Variants in C7orf78 observed in about 807,000 individuals in gnomAD.
C7orf78 encodes the protein putative uncharacterized protein C7orf78.
At chr7:12,540,215 C>A in the C7orf78 span, among the ~76,000 whole-genome samples, 1 of 152,168 alleles carries the variant, frequency 6.6e-6, no homozygotes, top group African/African-American at 2.4e-5. Context: ...GGAAACACAT[C>A]CCATTTCCAC....
At chr7:12,529,966 GAAATTCCTAGA>G in the C7orf78 span, among the ~76,000 whole-genome samples, 466 of 152,152 alleles carry the variant, frequency 3.1e-3, 2 homozygotes, top group African/African-American at 0.01. Flanking sequence ...GGGTTATCCA[GAAATTCCTAGA>G]AAAGAAGTGG....
At chr7:12,506,971 T>C in the C7orf78 span, 4 of 472,622 alleles carry the variant, frequency 8.5e-6, no homozygotes, top group African/African-American at 8.0e-5. Flanking sequence ...AAAGACAACA[T>C]GAGGAAGCAA....
At chr7:12,526,240 GT>G in the C7orf78 span, among the ~76,000 whole-genome samples, 1 of 152,004 alleles carries the variant, frequency 6.6e-6, no homozygotes, top group African/African-American at 2.4e-5. Context: ...CTATCTATTG[GT>G]TTCCTTATCT....
chr7:12,513,112 C>T, the C7orf78 span, among the ~76,000 whole-genome samples: 1 of 151,552 alleles, frequency 6.6e-6, no homozygotes. Context: ...TTTTCAAAAA[C>T]TCAGCCTTGT....
the C7orf78 span, among the ~76,000 whole-genome samples, chr7:12,526,582 G>A: frequency 6.6e-6 from 1 of 151,972 alleles, no homozygotes; most frequent in Non-Finnish European, 1.5e-5. Flanking sequence ...TCAAAATAAC[G>A]AGCAAATAAT....
chr7:12,517,353 C>G, the C7orf78 span, among the ~76,000 whole-genome samples: 1 of 152,136 alleles, frequency 6.6e-6, no homozygotes, highest in Non-Finnish European at 1.5e-5. Context: ...TCCAATTAAA[C>G]CTCTTTTTCT....
the C7orf78 span, chr7:12,538,349 C>G: frequency 1.3e-5 from 2 of 152,170 alleles, no homozygotes; most frequent in African/African-American, 4.8e-5. Flanking sequence ...TTGTTTCTCT[C>G]TTTCTGCACC....
the C7orf78 span, among the ~76,000 whole-genome samples, chr7:12,538,944 G>C: frequency 6.6e-6 from 1 of 152,056 alleles, no homozygotes; most frequent in Non-Finnish European, 1.5e-5. Flanking sequence ...TGTACTAAAG[G>C]GCTCCACAGG....
the C7orf78 span, among the ~76,000 whole-genome samples, chr7:12,489,282 G>GC: frequency 0.84 from 127,729 of 152,004 alleles, 54,073 homozygotes; most frequent in African/African-American, 0.95. Context: ...TTATTTATAT[G>GC]CATTGTTTCC....
the C7orf78 span, among the ~76,000 whole-genome samples, chr7:12,486,237 A>G: frequency 1.3e-5 from 2 of 152,104 alleles, no homozygotes; most frequent in Non-Finnish European, 1.5e-5. Flanking sequence ...ATGGTGTAAT[A>G]GAACTCCATT....
At chr7:12,522,506 A>G in the C7orf78 span, among the ~76,000 whole-genome samples, 1 of 152,108 alleles carries the variant, frequency 6.6e-6, no homozygotes, top group Non-Finnish European at 1.5e-5. Flanking sequence ...CATACTTTCT[A>G]CTTCTAGGTC....
the C7orf78 span, among the ~76,000 whole-genome samples, chr7:12,519,685 C>T: frequency 6.6e-6 from 1 of 152,188 alleles, no homozygotes; most frequent in Non-Finnish European, 1.5e-5. Context: ...TGCCCAGTGG[C>T]CACCTCCTTG....
the C7orf78 span, among the ~76,000 whole-genome samples, chr7:12,488,795 A>C: frequency 6.6e-6 from 1 of 152,098 alleles, no homozygotes. Context: ...CCATATATGC[A>C]TTCTGAGGTA....
chr7:12,487,508 A>G, the C7orf78 span, among the ~76,000 whole-genome samples: 1 of 151,832 alleles, frequency 6.6e-6, no homozygotes, highest in African/African-American at 2.4e-5. Flanking sequence ...AACCATATAA[A>G]CTCCTCCATT....
chr7:12,511,990 T>C, the C7orf78 span, among the ~76,000 whole-genome samples: 1 of 143,410 alleles, frequency 7.0e-6, no homozygotes, highest in Non-Finnish European at 1.5e-5. Context: ...TTAGCCAGGA[T>C]GGTCTCGATC....
At chr7:12,526,126 A>T in the C7orf78 span, among the ~76,000 whole-genome samples, 2 of 152,112 alleles carry the variant, frequency 1.3e-5, no homozygotes, top group Admixed American at 6.6e-5. Flanking sequence ...TCAATGTCTC[A>T]TGTATAGAGA....
chr7:12,513,722 C>T, the C7orf78 span, among the ~76,000 whole-genome samples: 13 of 151,680 alleles, frequency 8.6e-5, no homozygotes, highest in East Asian at 3.9e-4. Context: ...TATTCTGGGC[C>T]GGGCGCGGTG....
chr7:12,509,220 G>T, the C7orf78 span, among the ~76,000 whole-genome samples: 2 of 151,118 alleles, frequency 1.3e-5, no homozygotes, highest in African/African-American at 2.4e-5. Flanking sequence ...GGAACTATAT[G>T]AATGTGGGAA....
At chr7:12,484,908 A>G in the C7orf78 span, among the ~76,000 whole-genome samples, 2 of 152,060 alleles carry the variant, frequency 1.3e-5, no homozygotes, top group African/African-American at 4.8e-5. Flanking sequence ...CTATCATCTT[A>G]GGTAAATATC....
Sources: gnomAD v4.1 joint callset for allele counts (sites outside exome capture counted in the v4.1 genomes callset) on GRCh38, gnomAD v4.1.1 for gene constraint, MANE v1.5 for transcripts, NCBI Gene and HGNC (gene_info 2026-07-23, HGNC 2026-07-21) for gene names.